The following RUNX1 variants were observed in gnomAD, a reference collection of about 807,000 sequenced individuals.
The protein encoded by RUNX1 is RUNX family transcription factor 1.
In RUNX1, 19 loss-of-function variants were observed where a neutral mutation model predicts 42.8. That is an observed-to-expected ratio of 0.44 (90% confidence interval 0.31 to 0.65). The LOEUF is 0.65. Among genes scored for constraint, RUNX1 ranks in the 30% least tolerant of loss-of-function variants. The probability of loss-of-function intolerance (pLI) is 0.07; values close to 1 mark genes in which losing one functional copy is unlikely to be tolerated. For synonymous variants in RUNX1, 271 were observed against 289.4 expected (o/e 0.94, Z 0.64); for missense variants, 528 against 672.0 (o/e 0.79, Z 2.37).
At chr21:34,945,805 T>G (rs936920505) in intron 2 of RUNX1, among the ~76,000 whole-genome samples, 1 of 152,202 alleles carries the variant, frequency 6.6e-6, no homozygotes, top group Non-Finnish European at 1.5e-5. Context: ...GGGCTTTGAC[T>G]ATTGTATCTA....
chr21:34,792,011 G>T lies in RUNX1; in HGVS notation c.*124C>A. The T allele has an allele frequency of 1.7e-6, 1 of 578,040 alleles. No individual in the cohort carries two copies. The highest frequency in any genetic ancestry group is 2.2e-5 in the South Asian group (1 of 46,136). 35.8% of individuals were successfully genotyped at this position (578,040 alleles called of 1,614,324 possible). ...GAGATCCTGGCCGTCGGGCGCCCTC[G>T]GCCCCAGGACGGTGGCCGGGCCCAG... On this transcript the variant is annotated 3_prime_UTR_variant, in exon 9 of 9. Transcript: ENST00000675419. This position sits in a 1 kb window ranked among gnomAD's most constrained non-coding sequence, Gnocchi z 6.9.
intron 2 of RUNX1, among the ~76,000 whole-genome samples, chr21:34,998,003 T>C (rs886619074): frequency 2.6e-5 from 4 of 152,188 alleles, no homozygotes; most frequent in Non-Finnish European, 5.9e-5. Flanking sequence ...CAGGGCCATC[T>C]CTACTCTCCT....
At chr21:34,972,954 G>T (rs1242173011) in intron 2 of RUNX1, among the ~76,000 whole-genome samples, 1 of 152,150 alleles carries the variant, frequency 6.6e-6, no homozygotes, top group East Asian at 1.9e-4. Flanking sequence ...CATGTCTCCA[G>T]CCCAGAACTA....
chr21:35,043,850 T>C (rs781059376), intron 2 of RUNX1, among the ~76,000 whole-genome samples: 1 of 152,182 alleles, frequency 6.6e-6, no homozygotes, highest in African/African-American at 2.4e-5. Context: ...ATTACAAATG[T>C]TCCCAAGGAG....
In RUNX1 at chr21:34,843,323, T is replaced by C. The variant is rs1234480743; in HGVS notation, c.614-8722A>G. Among the ~76,000 whole-genome samples, 1 of 151,390 alleles carries C rather than the reference T, an allele frequency of 6.6e-6. No homozygotes were observed. The highest frequency in any genetic ancestry group is 3.4e-3 in the Middle Eastern group (1 of 292). On this transcript the variant is annotated intron_variant, in intron 6 of 8. Coordinates refer to ENST00000675419, the MANE Select transcript of RUNX1 (RefSeq NM_001754.5). This position sits in a 1 kb window ranked among gnomAD's most constrained non-coding sequence, Gnocchi z 4.8. ...AGACATGCACAGACACACATACACA[T>C]ACAGACACAAACCAGGACAGACACA... is the stretch of plus-strand genomic sequence containing the variant.
intron 2 of RUNX1, among the ~76,000 whole-genome samples, chr21:34,925,912 GGCTAGTACTATAGAGT>G (rs2058389218): frequency 6.6e-6 from 1 of 152,068 alleles, no homozygotes; most frequent in Admixed American, 6.5e-5. Flanking sequence ...TTTTCCCAAA[GGCTAGTACTATAGAGT>G]GCTTTCCTTG....
intron 2 of RUNX1, among the ~76,000 whole-genome samples, chr21:34,918,283 A>T (rs2058327628): frequency 6.6e-6 from 1 of 152,086 alleles, no homozygotes; most frequent in Non-Finnish European, 1.5e-5. Flanking sequence ...GCATGACAAT[A>T]TTCTCACCTT....
chr21:34,901,186 C>T lies in RUNX1; in HGVS notation c.59-8223G>A, dbSNP rs2058174501. Reference sequence around the variant, plus strand: ...GGTTCTTAAGGGGCTGCTGGGAACCCCTGAAGGTCCAAGTGTCTCTTTTGT... The same window carrying T: ...GGTTCTTAAGGGGCTGCTGGGAACCTCTGAAGGTCCAAGTGTCTCTTTTGT... On this transcript the variant is annotated intron_variant, in intron 2 of 8. Coordinates refer to ENST00000675419, the MANE Select transcript of RUNX1 (RefSeq NM_001754.5). The surrounding 1 kb of genome is among the most constrained non-coding windows in gnomAD (Gnocchi z 4.3). Among the ~76,000 whole-genome samples, 1 of 151,874 alleles carries T rather than the reference C, an allele frequency of 6.6e-6. No homozygotes were observed. The highest frequency in any genetic ancestry group is 1.5e-5 in the Non-Finnish European group (1 of 67,994).
intron 2 of RUNX1, among the ~76,000 whole-genome samples, chr21:35,008,051 T>G (rs1386609622): frequency 6.6e-6 from 1 of 152,170 alleles, no homozygotes; most frequent in African/African-American, 2.4e-5. Context: ...ATGCTGTACC[T>G]TTTTAGCTCT....
intron 2 of RUNX1, among the ~76,000 whole-genome samples, chr21:34,917,314 C>T (rs2146541313): frequency 6.6e-6 from 1 of 152,314 alleles, no homozygotes; most frequent in South Asian, 2.1e-4. Flanking sequence ...TGAAAGAGGA[C>T]ACTCAGAACT....
At position 34,834,080 on chromosome 21, in the gene RUNX1, C is replaced by G. The variant is rs529417961; in HGVS notation, c.805+330G>C. 2.5e-5 allele frequency: 13 copies of G among 522,680 alleles called. No homozygotes were observed. In the East Asian group the frequency reaches 2.7e-4, roughly 11 times the overall value. 32.4% of individuals were successfully genotyped at this position (522,680 alleles called of 1,614,324 possible). ...GCCTAATGGGTAGGTAAAAAAATAG[C>G]ATAGCCAAAGCTAACTCTTAAAAAA... is the stretch of plus-strand genomic sequence containing the variant. On this transcript the variant is annotated intron_variant, in intron 7 of 8. Transcript: ENST00000675419.
chr21:34,852,629 A>G (rs1297231504), intron 6 of RUNX1, among the ~76,000 whole-genome samples: 11 of 152,218 alleles, frequency 7.2e-5, no homozygotes. Flanking sequence ...CTTGGCCTGA[A>G]ATGCCTTTCA....
chr21:34,891,770 A>C (rs2058083196), intron 3 of RUNX1, among the ~76,000 whole-genome samples: 1 of 152,156 alleles, frequency 6.6e-6, no homozygotes, highest in African/African-American at 2.4e-5. Flanking sequence ...GATTTTTCCA[A>C]ATTTTGTTGC....
chr21:34,855,759 A>C (rs2057487234), intron 6 of RUNX1, among the ~76,000 whole-genome samples: 1 of 152,180 alleles, frequency 6.6e-6, no homozygotes, highest in African/African-American at 2.4e-5. Context: ...CTTTTCTTGA[A>C]AAATCCTTTC....
intron 2 of RUNX1, among the ~76,000 whole-genome samples, chr21:35,042,665 TCAGAG>T (rs2059367551): frequency 1.3e-5 from 2 of 152,186 alleles, no homozygotes; most frequent in Non-Finnish European, 2.9e-5. Context: ...CCTGGACAGA[TCAGAG>T]GTGCAGGCCA....
intron 4 of RUNX1, among the ~76,000 whole-genome samples, chr21:34,883,687 A>G (rs746972173): frequency 6.6e-6 from 1 of 152,350 alleles, no homozygotes; most frequent in East Asian, 1.9e-4. Context: ...TTAAAGTATC[A>G]GGAAGTTGGG....
chr21:34,853,345 A>T (rs1208197003), intron 6 of RUNX1, among the ~76,000 whole-genome samples: 1 of 152,226 alleles, frequency 6.6e-6, no homozygotes, highest in Non-Finnish European at 1.5e-5. Flanking sequence ...ATGCCAAAGC[A>T]ACAGGGCTCT....
chr21:34,870,662 C>T (rs1311625702), intron 5 of RUNX1, among the ~76,000 whole-genome samples: 1 of 152,196 alleles, frequency 6.6e-6, no homozygotes, highest in Non-Finnish European at 1.5e-5. Context: ...TACTGCCTAA[C>T]ATCAAAACAG....
At chr21:34,903,018 TAA>T (rs1483297258) in intron 2 of RUNX1, among the ~76,000 whole-genome samples, 2 of 152,214 alleles carry the variant, frequency 1.3e-5, no homozygotes, top group African/African-American at 4.8e-5. Flanking sequence ...TAATTTCACA[TAA>T]GTATTGCCTG....
Sources: allele counts gnomAD v4.1 joint callset (sites outside exome capture counted in the v4.1 genomes callset), GRCh38; gene constraint gnomAD v4.1.1; non-coding constraint Gnocchi (gnomAD v3.1); transcripts MANE v1.5; gene names NCBI Gene and HGNC (gene_info 2026-07-23, HGNC 2026-07-21).